EPB41L5: variants seen among roughly 807,000 people sequenced by gnomAD.
EPB41L5 encodes erythrocyte membrane protein band 4.1 like 5, also known as band 4.1-like protein 5.
A neutral mutation model predicts 106.6 loss-of-function variants in EPB41L5; 55 were observed. The ratio of observed to expected loss-of-function variants is 0.52; its 90% confidence interval spans 0.42 to 0.65. EPB41L5 has a LOEUF of 0.65. EPB41L5 is among the 30% of genes least tolerant of loss of function. EPB41L5 has a pLI of 0.00. For synonymous variants in EPB41L5, 297 were observed against 306.7 expected, an observed-to-expected ratio of 0.97 and a Z score of 0.33; for missense variants, 871 against 882.1, an observed-to-expected ratio of 0.99 and a Z score of 0.16.
chr2:120,162,582 T>C (rs1687181725), intron 21 of EPB41L5, among the ~76,000 whole-genome samples: 1 of 152,246 alleles, frequency 6.6e-6, no homozygotes, highest in Non-Finnish European at 1.5e-5. Context: ...GATGAAAATC[T>C]GAAAAGATAC....
rs139204323 is a variant in EPB41L5 at position 120,032,868 on chromosome 2, G to A, written c.181-9138G>A. Among the ~76,000 whole-genome samples, 42 of 152,258 alleles carry A rather than the reference G, an allele frequency of 2.8e-4. No individual in the cohort carries two copies. In the East Asian group the frequency reaches 6.9e-3, roughly 25 times the overall value. On this transcript the variant is annotated intron_variant, in intron 2 of 24. Coordinates refer to ENST00000263713, the MANE Select transcript of EPB41L5 (RefSeq NM_020909.4). Reference sequence around the variant, plus strand: ...AATTTTATATTTAGTTAAGAACCTTGTGATTGCTTGAGGGCAAATATAAGC... The same window carrying A: ...AATTTTATATTTAGTTAAGAACCTTATGATTGCTTGAGGGCAAATATAAGC...
At chr2:120,122,551 CAGTACCATGCTGTT>C (rs2105451239) in intron 16 of EPB41L5, among the ~76,000 whole-genome samples, 1 of 152,242 alleles carries the variant, frequency 6.6e-6, no homozygotes, top group East Asian at 1.9e-4. Flanking sequence ...GTTTTGGTAC[CAGTACCATGCTGTT>C]TTGGTTACTG....
At chr2:120,039,650 A>C (rs1440817220) in intron 2 of EPB41L5, among the ~76,000 whole-genome samples, 1 of 152,026 alleles carries the variant, frequency 6.6e-6, no homozygotes, top group African/African-American at 2.4e-5. Context: ...ACATGAAGAA[A>C]TCCCATCTCT....
Position 120,100,684 on chromosome 2 carries a change from A to G in EPB41L5, c.1222-15A>G. On this transcript the variant is annotated splice_polypyrimidine_tract_variant and intron_variant, in intron 15 of 24. Transcript: ENST00000263713. ...TCGAGGCAAAATAGATAATTTTTAT[A>G]ATTTTTGTCCAAAGGCTTGGGGGAT... is the stretch of plus-strand genomic sequence containing the variant. 1 of 1,596,530 alleles carries G rather than the reference A, an allele frequency of 6.3e-7. No individual in the cohort carries two copies.
chr2:120,171,809 A>G (rs900781243), intron 24 of EPB41L5, among the ~76,000 whole-genome samples: 3 of 152,200 alleles, frequency 2.0e-5, no homozygotes, highest in Non-Finnish European at 4.4e-5. Context: ...TTGAAATACA[A>G]AGAGAGCTAA....
intron 21 of EPB41L5, among the ~76,000 whole-genome samples, chr2:120,164,115 T>C (rs1282980986): frequency 6.6e-6 from 1 of 151,396 alleles, no homozygotes; most frequent in African/African-American, 2.4e-5. Flanking sequence ...CTCGAGTAGC[T>C]GGGACTATAG....
chr2:120,114,696 A>T (rs1684872006), intron 16 of EPB41L5, among the ~76,000 whole-genome samples: 1 of 152,096 alleles, frequency 6.6e-6, no homozygotes. Flanking sequence ...ACTTTTGAAA[A>T]TTTTTTTATT....
chr2:120,126,987 TAA>T (rs1429713560), intron 16 of EPB41L5, among the ~76,000 whole-genome samples: 5 of 152,218 alleles, frequency 3.3e-5, no homozygotes, highest in Admixed American at 1.3e-4. Context: ...AATTTATTCC[TAA>T]GTTTCTATCC....
chr2:120,107,387 A>C (rs1684512554), intron 16 of EPB41L5, among the ~76,000 whole-genome samples: 2 of 152,190 alleles, frequency 1.3e-5, no homozygotes, highest in Non-Finnish European at 2.9e-5. Context: ...TGCTAAAACA[A>C]AATCATCTTG....
chr2:120,084,973 C>G (rs1682954262), intron 10 of EPB41L5, among the ~76,000 whole-genome samples: 1 of 152,146 alleles, frequency 6.6e-6, no homozygotes, highest in Admixed American at 6.5e-5. Flanking sequence ...GTTTTCAGCT[C>G]CATCAGGTCA....
chr2:120,123,099 G>T (rs1480508258), intron 16 of EPB41L5, among the ~76,000 whole-genome samples: 1 of 152,094 alleles, frequency 6.6e-6, no homozygotes, highest in African/African-American at 2.4e-5. Flanking sequence ...TGGTCTGATT[G>T]TTGGTTGCAC....
At chr2:120,031,116 G>T (rs1044584943) in intron 2 of EPB41L5, among the ~76,000 whole-genome samples, 1 of 152,114 alleles carries the variant, frequency 6.6e-6, no homozygotes, top group Non-Finnish European at 1.5e-5. Flanking sequence ...TGATCCACCC[G>T]CCTCGGCCTC....
intron 18 of EPB41L5, among the ~76,000 whole-genome samples, chr2:120,142,206 C>T (rs1265556187): frequency 6.7e-6 from 1 of 150,346 alleles, no homozygotes; most frequent in Non-Finnish European, 1.5e-5. Flanking sequence ...GTAATAAATA[C>T]ATTTATATTA....
intron 2 of EPB41L5, among the ~76,000 whole-genome samples, chr2:120,028,421 A>G (rs983551729): frequency 6.6e-6 from 1 of 152,070 alleles, no homozygotes; most frequent in East Asian, 1.9e-4. Flanking sequence ...TGTGGCCCCA[A>G]CTATTCAGAA....
chr2:120,023,615 G>A (rs1678095677), intron 2 of EPB41L5, among the ~76,000 whole-genome samples: 2 of 152,140 alleles, frequency 1.3e-5, no homozygotes, highest in Non-Finnish European at 2.9e-5. Context: ...GTCAGGTAGT[G>A]TGATGCCTCA....
chr2:120,118,466 A>T (rs537931753), intron 16 of EPB41L5, among the ~76,000 whole-genome samples: 2 of 152,262 alleles, frequency 1.3e-5, no homozygotes, highest in African/African-American at 4.8e-5. Flanking sequence ...TCACCTGGGT[A>T]TTAAGCCAGC....
At chr2:120,071,966 AG>A (rs1401273321) in intron 3 of EPB41L5, among the ~76,000 whole-genome samples, 1 of 152,242 alleles carries the variant, frequency 6.6e-6, no homozygotes, top group African/African-American at 2.4e-5. Context: ...GCACAGTAAA[AG>A]AAACTATCAT....
chr2:120,047,333 TTG>T lies in EPB41L5; in HGVS notation c.285+5225_285+5226del, dbSNP rs1679858830. Among the ~76,000 whole-genome samples, 4 of 152,146 alleles carry T rather than the reference TTG, an allele frequency of 2.6e-5. No individual in the cohort carries two copies. In the South Asian group the frequency reaches 8.3e-4, roughly 32 times the overall value. ...CCATTTGTTTGTGTCCTCTTTTATT[TTG>T]TTGAGCAGTGGTTTGTAGTTCTCCT... is the stretch of plus-strand genomic sequence containing the variant. On this transcript the variant is annotated intron_variant, in intron 3 of 24. Transcript: ENST00000263713.
intron 1 of EPB41L5, among the ~76,000 whole-genome samples, chr2:120,013,943 T>C (rs1677330418): frequency 6.6e-6 from 1 of 152,262 alleles, no homozygotes. Flanking sequence ...ACTCAGTTTC[T>C]AACATAACCC....
Sources: gnomAD v4.1 joint callset for allele counts (sites outside exome capture counted in the v4.1 genomes callset) on GRCh38, gnomAD v4.1.1 for gene constraint, MANE v1.5 for transcripts, NCBI Gene and HGNC (gene_info 2026-07-23, HGNC 2026-07-21) for gene names.